The following RALGAPA2 variants were observed in gnomAD, a reference collection of about 807,000 sequenced individuals.
RALGAPA2 encodes the protein Ral GTPase activating protein catalytic subunit alpha 2.
A neutral mutation model predicts 230.4 loss-of-function variants in RALGAPA2; 139 were observed. The observed-to-expected ratio is 0.60, with a 90% CI of 0.53 to 0.69. RALGAPA2 has a LOEUF of 0.69. Among genes scored for constraint, RALGAPA2 ranks in the 30% least tolerant of loss-of-function variants. RALGAPA2 has a pLI of 0.00. For synonymous variants in RALGAPA2, 847 were observed against 837.8 expected, an observed-to-expected ratio of 1.01 and a Z score of -0.19; for missense variants, 2,163 against 2,276.0, an observed-to-expected ratio of 0.95 and a Z score of 1.01.
rs1327798950 is a variant in RALGAPA2, at chr20:20,437,366, T to C, written c.5496-25218A>G. ...ACACGCCACCATCCAGGCCACGCCA[T>C]TGTCATTTCGTTCCTGGATTATGGC... is the stretch of plus-strand genomic sequence containing the variant. On this transcript the variant is annotated intron_variant, in intron 37 of 39. Coordinates refer to ENST00000202677, the MANE Select transcript of RALGAPA2 (RefSeq NM_020343.4). The surrounding 1 kb of genome is among the most constrained non-coding windows in gnomAD (Gnocchi z 4.1). Among the ~76,000 whole-genome samples the C allele has an allele frequency of 6.6e-6, 1 of 152,116 alleles. No homozygotes were observed. Among genetic ancestry groups the C allele is most frequent in the African/African-American group, 2.4e-5 (1 of 41,432 alleles).
chr20:20,530,556 C>T (rs576859557), intron 27 of RALGAPA2, among the ~76,000 whole-genome samples: 1 of 152,176 alleles, frequency 6.6e-6, no homozygotes, highest in Non-Finnish European at 1.5e-5. Flanking sequence ...ACTGGCTGGT[C>T]ATCCTATGGG....
intron 38 of RALGAPA2, among the ~76,000 whole-genome samples, chr20:20,399,239 T>A (rs976495794): frequency 1.3e-5 from 2 of 149,024 alleles, no homozygotes; most frequent in Non-Finnish European, 1.5e-5. Flanking sequence ...CCCAGCTACT[T>A]GGGAGGCTGA....
intron 20 of RALGAPA2, among the ~76,000 whole-genome samples, chr20:20,581,500 C>A (rs746210325): frequency 5.9e-5 from 9 of 152,058 alleles, no homozygotes; most frequent in Non-Finnish European, 1.3e-4. Context: ...ATTTTGGAAG[C>A]CAGTTTCATC....
chr20:20,521,224 AC>A, intron 30 of RALGAPA2, 124 bp from the exon 31 acceptor site: 1 of 720,884 alleles, frequency 1.4e-6, no homozygotes, highest in Non-Finnish European at 2.2e-6. Context: ...AAATGGAATG[AC>A]CACTCTTAAA....
intron 4 of RALGAPA2, among the ~76,000 whole-genome samples, chr20:20,649,252 G>A (rs1049262219): frequency 4.1e-4 from 62 of 152,126 alleles, no homozygotes; most frequent in African/African-American, 1.4e-3. Context: ...GGAAGAGTGA[G>A]GTATGGTATG....
At chr20:20,689,558 C>T (rs1462984411) in intron 1 of RALGAPA2, among the ~76,000 whole-genome samples, 1 of 152,244 alleles carries the variant, frequency 6.6e-6, no homozygotes, top group African/African-American at 2.4e-5. Context: ...AGGAGAATCA[C>T]TTGAACCCGG....
At chr20:20,539,281 G>C (rs527797649) in intron 24 of RALGAPA2, among the ~76,000 whole-genome samples, 3 of 152,184 alleles carry the variant, frequency 2.0e-5, no homozygotes, top group Admixed American at 2.0e-4. Flanking sequence ...TGAAAATTCT[G>C]ACTGAGCAGG....
chr20:20,531,583 C>T lies in RALGAPA2; in HGVS notation c.3582+104G>A, dbSNP rs576211077. On this transcript the variant is annotated intron_variant, in intron 27 of 39. Transcript: ENST00000202677. ...GCACATGCAATGGGAATCACAATCCCTCTGTCATTTGGGGGATAAAAAAGA... is the reference window on the plus strand; with the variant it reads ...GCACATGCAATGGGAATCACAATCCTTCTGTCATTTGGGGGATAAAAAAGA... 4 of 997,554 alleles carry T rather than the reference C, an allele frequency of 4.0e-6. No homozygotes were observed. The African/African-American group carries it at 6.4e-5, about 16-fold the overall frequency. The allele number at this position is 997,554 out of a possible 1,614,324, so 61.8% of individuals were successfully genotyped here.
At chr20:20,456,626 G>A (rs755528279) in intron 37 of RALGAPA2, among the ~76,000 whole-genome samples, 2 of 152,196 alleles carry the variant, frequency 1.3e-5, no homozygotes, top group Non-Finnish European at 2.9e-5. Flanking sequence ...TGACTGCTGC[G>A]AGAAGACCCA....
At chr20:20,615,452 G>A (rs1004006330) in intron 13 of RALGAPA2, among the ~76,000 whole-genome samples, 2 of 152,010 alleles carry the variant, frequency 1.3e-5, no homozygotes, top group East Asian at 1.9e-4. Context: ...ATGAGCTACC[G>A]CACCTGGCTG....
At chr20:20,607,981 A>G (rs1450161196) in intron 14 of RALGAPA2, among the ~76,000 whole-genome samples, 3 of 152,132 alleles carry the variant, frequency 2.0e-5, no homozygotes, top group African/African-American at 7.2e-5. Context: ...CCTTTTAATC[A>G]ATTACCATTT....
intron 16 of RALGAPA2, among the ~76,000 whole-genome samples, chr20:20,601,099 C>CA (rs1044908073): frequency 1.6e-4 from 22 of 137,762 alleles, no homozygotes; most frequent in South Asian, 9.1e-4. Flanking sequence ...GACTCTGTCT[C>CA]AAAAAAAAAG....
intron 1 of RALGAPA2, among the ~76,000 whole-genome samples, chr20:20,690,050 G>C (rs1203523835): frequency 6.6e-6 from 1 of 152,052 alleles, no homozygotes; most frequent in Non-Finnish European, 1.5e-5. Flanking sequence ...TTTCTGCAAA[G>C]CTTTATGAAC....
intron 37 of RALGAPA2, chr20:20,471,179 T>C (rs1389818922): frequency 6.6e-6 from 1 of 152,204 alleles, no homozygotes; most frequent in Non-Finnish European, 1.5e-5. Flanking sequence ...GTGTCACTGC[T>C]TGAAAAGTTT....
rs1289290486 is a variant in RALGAPA2, at chr20:20,391,480, C to G, written c.*1809G>C. On this transcript the variant is annotated 3_prime_UTR_variant, in exon 40 of 40. Transcript: ENST00000202677. Reference sequence around the variant, plus strand: ...AAGGTGCTCCTGTCAGTGGGCCTGGCCTGCAATCCCCTATAAAGCAGAAAA... The same window carrying G: ...AAGGTGCTCCTGTCAGTGGGCCTGGGCTGCAATCCCCTATAAAGCAGAAAA... 5 of 152,240 alleles carry G rather than the reference C, an allele frequency of 3.3e-5. No individual in the cohort carries two copies. Among genetic ancestry groups the G allele is most frequent in the African/African-American group, 9.7e-5 (4 of 41,426 alleles). 9.4% of individuals were successfully genotyped at this position (152,240 alleles called of 1,614,324 possible).
intron 27 of RALGAPA2, among the ~76,000 whole-genome samples, chr20:20,528,043 G>C (rs1015098079): frequency 2.0e-5 from 3 of 152,176 alleles, no homozygotes; most frequent in East Asian, 1.9e-4. Context: ...CGTGGAGGGA[G>C]AGGAGAGCTA....
intron 38 of RALGAPA2, among the ~76,000 whole-genome samples, chr20:20,403,591 C>T (rs1313899022): frequency 6.6e-6 from 1 of 152,108 alleles, no homozygotes; most frequent in Non-Finnish European, 1.5e-5. Flanking sequence ...GTTGGGTCAG[C>T]GACTGTCACC....
In RALGAPA2 at chr20:20,605,184, G is replaced by A. The variant is rs199741379; in HGVS notation, c.2029C>T (p.Arg677Ter). 2.6e-5 allele frequency: 41 copies of A among 1,605,274 alleles called. No homozygotes were observed. The highest frequency in any genetic ancestry group is 3.1e-5 in the Non-Finnish European group (36 of 1,173,666). The change falls in exon 15 of 40, where the codon CGA becomes TGA. Residue 677 changes from arginine (R) to a stop codon, truncating the protein, a stop_gained. Coordinates refer to ENST00000202677, the MANE Select transcript of RALGAPA2 (RefSeq NM_020343.4). LOFTEE classifies it high-confidence loss of function. Reference sequence around the variant, plus strand: ...GGAAGAGTGGAAATACCTTTGCCTCGTTGCTTCTTTTCCTTTTGTTCACTT... The same window carrying A: ...GGAAGAGTGGAAATACCTTTGCCTCATTGCTTCTTTTCCTTTTGTTCACTT... Reference protein sequence around the residue: ...KLSEQKEKKQRGKGCVLDPQK... With the variant: ...KLSEQKEKKQ
intron 24 of RALGAPA2, among the ~76,000 whole-genome samples, chr20:20,542,771 A>T (rs1309012061): frequency 6.6e-6 from 1 of 152,222 alleles, no homozygotes; most frequent in African/African-American, 2.4e-5. Context: ...AAGACATATT[A>T]AAGATTTAAA....
Sources: allele counts gnomAD v4.1 joint callset (sites outside exome capture counted in the v4.1 genomes callset), GRCh38; gene constraint gnomAD v4.1.1; non-coding constraint Gnocchi (gnomAD v3.1); transcripts MANE v1.5; gene names NCBI Gene and HGNC (gene_info 2026-07-23, HGNC 2026-07-21).